Variants in DLGAP1 observed in about 807,000 individuals in gnomAD.
The protein encoded by DLGAP1 is DLG associated protein 1.
In DLGAP1, 11 loss-of-function variants were observed where a neutral mutation model predicts 90.8. The ratio of observed to expected loss-of-function variants is 0.12; its 90% CI spans 0.08 to 0.20. The LOEUF (loss-of-function observed/expected upper bound fraction) is 0.20, where lower values mean the gene tolerates loss of function less well. Among genes scored for constraint, DLGAP1 ranks in the 10% least tolerant of loss-of-function variants. DLGAP1 has a pLI of 1.00. For synonymous variants in DLGAP1, 558 were observed against 540.7 expected (o/e 1.03, Z -0.44); for missense variants, 1,050 against 1,333.8 (o/e 0.79, Z 3.31).
intron 1 of DLGAP1, among the ~76,000 whole-genome samples, chr18:4,280,445 A>T (rs1055094171): frequency 2.0e-4 from 30 of 152,318 alleles, no homozygotes; most frequent in African/African-American, 7.2e-4. Flanking sequence ...AAAGCCCACA[A>T]CTAGTATAGT....
At chr18:4,239,043 G>A (rs889128561) in intron 1 of DLGAP1, among the ~76,000 whole-genome samples, 1 of 152,188 alleles carries the variant, frequency 6.6e-6, no homozygotes, top group African/African-American at 2.4e-5. Context: ...AGTCAAAGTG[G>A]GCCACTATGT....
chr18:3,729,038 G>C lies in DLGAP1; in HGVS notation c.1591+97C>G. 1.3e-6 allele frequency: 2 copies of C among 1,485,992 alleles called. No homozygotes were observed. Among genetic ancestry groups the C allele is most frequent in the African/African-American group, 2.8e-5 (2 of 72,250 alleles). The allele number at this position is 1,485,992 out of a possible 1,614,324, so 92.1% of individuals were successfully genotyped here. Reference sequence around the variant, plus strand: ...AGGACATGGGTGGTATCTTGTTCCTGGCAACTATGTGTGTTGACAGCAAGG... The same window carrying C: ...AGGACATGGGTGGTATCTTGTTCCTCGCAACTATGTGTGTTGACAGCAAGG... On this transcript the variant is annotated intron_variant, in intron 7 of 12. Transcript: ENST00000315677. This position sits in a 1 kb window ranked among gnomAD's most constrained non-coding sequence, Gnocchi z 6.2.
At chr18:4,411,521 A>G (rs1487677276) in intron 1 of DLGAP1, among the ~76,000 whole-genome samples, 1 of 152,148 alleles carries the variant, frequency 6.6e-6, no homozygotes, top group African/African-American at 2.4e-5. Flanking sequence ...GAGCGAGTCA[A>G]TTTCTATTTT....
intron 11 of DLGAP1, among the ~76,000 whole-genome samples, chr18:3,507,604 A>T (rs1347259598): frequency 2.6e-5 from 4 of 152,194 alleles, no homozygotes; most frequent in Non-Finnish European, 5.9e-5. Context: ...AAAACCTCTA[A>T]GATCATATTT....
chr18:3,741,595 A>G (rs1326085814), intron 6 of DLGAP1, among the ~76,000 whole-genome samples: 1 of 151,976 alleles, frequency 6.6e-6, no homozygotes, highest in East Asian at 1.9e-4. Context: ...CACCATCACC[A>G]CCATCGCCAT....
chr18:4,347,956 T>C (rs777447644), intron 1 of DLGAP1, among the ~76,000 whole-genome samples: 29 of 152,256 alleles, frequency 1.9e-4, no homozygotes, highest in Non-Finnish European at 2.2e-4. Context: ...AATAATTTAG[T>C]AAGGCAACAG....
intron 5 of DLGAP1, among the ~76,000 whole-genome samples, chr18:3,743,235 C>T (rs1410013946): frequency 6.6e-6 from 1 of 152,144 alleles, no homozygotes; most frequent in Non-Finnish European, 1.5e-5. Context: ...TCCCCTTGTT[C>T]CTGTCTGTAG....
chr18:4,210,878 C>G (rs954679185), intron 1 of DLGAP1, among the ~76,000 whole-genome samples: 1 of 152,146 alleles, frequency 6.6e-6, no homozygotes, highest in Non-Finnish European at 1.5e-5. Context: ...TGTAAGGAAG[C>G]TGAAGCCCAG....
intron 1 of DLGAP1, among the ~76,000 whole-genome samples, chr18:4,322,205 A>T (rs951495205): frequency 6.6e-6 from 1 of 151,702 alleles, no homozygotes; most frequent in Admixed American, 6.6e-5. Context: ...ATCTCAGAAA[A>T]AAAGAAAAAA....
chr18:4,124,284 T>C (rs2076198940), intron 2 of DLGAP1, among the ~76,000 whole-genome samples: 1 of 152,126 alleles, frequency 6.6e-6, no homozygotes, highest in Non-Finnish European at 1.5e-5. Flanking sequence ...AGGATGGAGG[T>C]GGAATTTCTC....
intron 7 of DLGAP1, among the ~76,000 whole-genome samples, chr18:3,592,884 AAAAGAAAAAGAAAAAG>A (rs2056350188): frequency 2.3e-4 from 3 of 13,084 alleles, no homozygotes; most frequent in African/African-American, 1.3e-3. Flanking sequence ...GAAAGAAAGA[AAAAGAAAAAGAAAAAG>A]AAAAAGAAAA....
At chr18:3,740,783 A>C (rs551651384) in intron 6 of DLGAP1, among the ~76,000 whole-genome samples, 1 of 149,384 alleles carries the variant, frequency 6.7e-6, no homozygotes, top group Admixed American at 6.7e-5. Context: ...CACCACAATC[A>C]CAACCACCAT....
chr18:4,376,660 AAC>A (rs2082019866), intron 1 of DLGAP1, among the ~76,000 whole-genome samples: 1 of 152,208 alleles, frequency 6.6e-6, no homozygotes, highest in South Asian at 2.1e-4. Flanking sequence ...GTCTTAAAAG[AAC>A]AGTCTTGTAA....
At chr18:4,168,793 A>G (rs1350102418) in intron 1 of DLGAP1, among the ~76,000 whole-genome samples, 2 of 152,204 alleles carry the variant, frequency 1.3e-5, no homozygotes, top group Non-Finnish European at 2.9e-5. Flanking sequence ...TATGTTGGCC[A>G]GGCTGAACTC....
At chr18:3,545,590 C>T (rs1790047568) in intron 9 of DLGAP1, among the ~76,000 whole-genome samples, 1 of 152,140 alleles carries the variant, frequency 6.6e-6, no homozygotes, top group Non-Finnish European at 1.5e-5. Flanking sequence ...GGAGCCGTGG[C>T]TTATACCTAT....
At chr18:4,016,993 T>C (rs563830446) in intron 2 of DLGAP1, among the ~76,000 whole-genome samples, 1 of 152,348 alleles carries the variant, frequency 6.6e-6, no homozygotes, top group African/African-American at 2.4e-5. Flanking sequence ...CCCTTCACCT[T>C]TCAGCCCCTC....
intron 5 of DLGAP1, among the ~76,000 whole-genome samples, chr18:3,759,587 C>G (rs541852317): frequency 6.6e-6 from 1 of 152,276 alleles, no homozygotes; most frequent in South Asian, 2.1e-4. Context: ...AGATTTAAAG[C>G]AATACAAAAT....
intron 2 of DLGAP1, among the ~76,000 whole-genome samples, chr18:4,087,002 T>A (rs2075690635): frequency 6.7e-6 from 1 of 148,550 alleles, no homozygotes. Context: ...CATTAATATT[T>A]TAGTTCTGAA....
chr18:4,242,320 A>C (rs2078555318), intron 1 of DLGAP1, among the ~76,000 whole-genome samples: 1 of 152,098 alleles, frequency 6.6e-6, no homozygotes, highest in Non-Finnish European at 1.5e-5. Flanking sequence ...CACTGGAATT[A>C]ATTTTGTTCT....
Sources: allele counts gnomAD v4.1 joint callset (sites outside exome capture counted in the v4.1 genomes callset), GRCh38; gene constraint gnomAD v4.1.1; non-coding constraint Gnocchi (gnomAD v3.1); transcripts MANE v1.5; gene names NCBI Gene and HGNC (gene_info 2026-07-23, HGNC 2026-07-21).